The following SLC17A1 variants were observed in gnomAD, a reference collection of about 807,000 sequenced individuals.
SLC17A1 encodes sodium-dependent phosphate transport protein 1.
In SLC17A1, 51 loss-of-function variants were observed where a neutral mutation model predicts 53.5. That is an observed-to-expected ratio of 0.95 (90% CI 0.76 to 1.20). The LOEUF is 1.20. SLC17A1 is among the 50% of genes most tolerant of loss of function. The probability of loss-of-function intolerance (pLI) is 0.00; values close to 1 mark genes in which losing one functional copy is unlikely to be tolerated. For synonymous variants in SLC17A1, 179 were observed against 198.8 expected (o/e 0.90, Z 0.84); for missense variants, 538 against 568.2 (o/e 0.95, Z 0.54).
intron 12 of SLC17A1, among the ~76,000 whole-genome samples, chr6:25,797,343 A>T (rs1236411286): frequency 6.6e-6 from 1 of 152,198 alleles, no homozygotes. Context: ...TGGCTCAATG[A>T]ATTATTATAG....
the SLC17A1 span, among the ~76,000 whole-genome samples, chr6:25,769,523 A>T: frequency 2.6e-5 from 4 of 151,446 alleles, no homozygotes; most frequent in Non-Finnish European, 5.9e-5. Context: ...GTGCCACTGC[A>T]CTCCGGTCTG....
At chr6:25,767,936 T>C in the SLC17A1 span, among the ~76,000 whole-genome samples, 1 of 152,214 alleles carries the variant, frequency 6.6e-6, no homozygotes, top group Admixed American at 6.5e-5. Flanking sequence ...CAATAAAAAG[T>C]AATTTACAAA....
At chr6:25,771,634 AT>A in the SLC17A1 span, among the ~76,000 whole-genome samples, 1 of 152,284 alleles carries the variant, frequency 6.6e-6, no homozygotes, top group East Asian at 1.9e-4. Context: ...ATGCTTTTTA[AT>A]TTAATATATT....
the SLC17A1 span, chr6:25,773,734 A>G: frequency 9.6e-6 from 15 of 1,554,710 alleles, no homozygotes; most frequent in African/African-American, 1.5e-4. Context: ...ATGAGAGCTC[A>G]TATATAATCC....
chr6:25,830,428 C>G (rs1296857933), intron 2 of SLC17A1, 96 bp downstream of exon 2: 2 of 942,954 alleles, frequency 2.1e-6, no homozygotes, highest in Non-Finnish European at 3.5e-6. Flanking sequence ...TTTAAGACCC[C>G]ATATGTATAT....
At chr6:25,726,437 T>G in the SLC17A1 span, 24 of 1,613,926 alleles carry the variant, frequency 1.5e-5, no homozygotes, top group East Asian at 2.2e-5. Context: ...AGACGATGGA[T>G]CCGGCCTACG....
At chr6:25,765,305 G>A in the SLC17A1 span, among the ~76,000 whole-genome samples, 1 of 152,234 alleles carries the variant, frequency 6.6e-6, no homozygotes, top group South Asian at 2.1e-4. Context: ...CAGTCTTTAT[G>A]TATTAATTCA....
At chr6:25,734,435 T>C in the SLC17A1 span, among the ~76,000 whole-genome samples, 1 of 152,140 alleles carries the variant, frequency 6.6e-6, no homozygotes, top group Non-Finnish European at 1.5e-5. Context: ...TCCTCAAATA[T>C]CAGGCTTCTT....
intron 8 of SLC17A1, 134 bp from the exon 9 acceptor site, chr6:25,811,904 G>C (rs1007536211): frequency 4.3e-6 from 4 of 925,102 alleles, no homozygotes; most frequent in South Asian, 3.5e-5. Context: ...TACAACAACA[G>C]AATTACTGCT....
the SLC17A1 span, among the ~76,000 whole-genome samples, chr6:25,731,264 G>A: frequency 6.6e-6 from 1 of 152,234 alleles, no homozygotes; most frequent in African/African-American, 2.4e-5. Flanking sequence ...AAGCACAAGA[G>A]ATGCTGCAAA....
the SLC17A1 span, chr6:25,731,959 C>T: frequency 6.3e-7 from 1 of 1,597,920 alleles, no homozygotes; most frequent in Admixed American, 1.7e-5. Flanking sequence ...TCAAAAATGT[C>T]ACTAACAAAA....
chr6:25,749,173 T>A, the SLC17A1 span, among the ~76,000 whole-genome samples: 210 of 152,300 alleles, frequency 1.4e-3, no homozygotes, highest in African/African-American at 4.9e-3. Context: ...CAGGCAGAGG[T>A]CCCTGCGGCT....
At chr6:25,751,035 C>T in the SLC17A1 span, among the ~76,000 whole-genome samples, 1 of 152,124 alleles carries the variant, frequency 6.6e-6, no homozygotes. Context: ...AATAGCTACC[C>T]ACATGATCTC....
chr6:25,748,331 G>A, the SLC17A1 span, among the ~76,000 whole-genome samples: 1 of 152,096 alleles, frequency 6.6e-6, no homozygotes, highest in Non-Finnish European at 1.5e-5. Flanking sequence ...ATATGAGCAA[G>A]AATCAGGAGA....
the SLC17A1 span, chr6:25,726,530 C>G: frequency 1.2e-6 from 2 of 1,603,126 alleles, no homozygotes; most frequent in Non-Finnish European, 1.7e-6. Context: ...CCAGACATCT[C>G]CTCGCATCAA....
At chr6:25,821,892 A>T (rs1348125770) in intron 3 of SLC17A1, among the ~76,000 whole-genome samples, 1 of 151,386 alleles carries the variant, frequency 6.6e-6, no homozygotes, top group African/African-American at 2.4e-5. Context: ...AGAAATATAT[A>T]ATACCTCAGT....
chr6:25,826,558 C>A lies in SLC17A1; in HGVS notation c.110G>T (p.Arg37Leu). The A allele has an allele frequency of 6.2e-7, 1 of 1,612,322 alleles. No individual in the cohort carries two copies. Reference sequence around the variant, plus strand: ...TACCATTGTGAGGTTCAGGCACGCACGCTGTGCTGTTATTATAACATTACA... The same window carrying A: ...TACCATTGTGAGGTTCAGGCACGCAAGCTGTGCTGTTATTATAACATTACA... ...HCCNVIITAQ[R>L]ACLNLTMVVM... Residue 37 changes from arginine (R) to leucine (L), a missense_variant, in exon 3 of 13, where the codon CGT (arginine) becomes CTT (leucine). By Grantham distance (102) the Arg-to-Leu change is moderately radical. Transcript: ENST00000244527.
At chr6:25,724,920 C>T in the SLC17A1 span, among the ~76,000 whole-genome samples, 6 of 149,934 alleles carry the variant, frequency 4.0e-5, no homozygotes, top group Non-Finnish European at 7.4e-5. Flanking sequence ...TGTCCTTACT[C>T]GGCATGTTTT....
the SLC17A1 span, chr6:25,732,221 G>C: frequency 3.0e-6 from 1 of 335,626 alleles, no homozygotes; most frequent in Non-Finnish European, 5.6e-6. Context: ...AGTGAAGCGT[G>C]ATATTTATAG....
Sources: allele counts gnomAD v4.1 joint callset (sites outside exome capture counted in the v4.1 genomes callset), GRCh38; gene constraint gnomAD v4.1.1; transcripts MANE v1.5; gene names NCBI Gene and HGNC (gene_info 2026-07-23, HGNC 2026-07-21).